Variants in GAS7 observed in about 807,000 individuals in gnomAD.
GAS7 encodes the protein growth arrest-specific protein 7.
A neutral mutation model predicts 71.1 loss-of-function variants in GAS7; 28 were observed. That is an observed-to-expected ratio of 0.39 (90% CI 0.29 to 0.54). The LOEUF is 0.54. GAS7 is among the 20% of genes least tolerant of loss of function. The pLI is 0.62. For missense variants in GAS7, 436 were observed against 627.8 expected, an observed-to-expected ratio of 0.69 and a Z score of 3.27; for synonymous variants, 258 against 245.8, an observed-to-expected ratio of 1.05 and a Z score of -0.46.
At chr17:10,012,885 G>A (rs1327011384) in intron 2 of GAS7, among the ~76,000 whole-genome samples, 1 of 151,628 alleles carries the variant, frequency 6.6e-6, no homozygotes, top group East Asian at 2.0e-4. Context: ...GGTGAATCAC[G>A]AGATCAGGAG....
chr17:9,926,647 C>T lies in GAS7; in HGVS notation c.1008G>A (p.Val336=), dbSNP rs752343743. The T allele has an allele frequency of 2.5e-6, 4 of 1,613,490 alleles. No individual in the cohort carries two copies. In the Admixed American group the frequency reaches 5.0e-5, roughly 20 times the overall value. The change falls in exon 10 of 14, where the codon GTG becomes GTA. Residue 336 remains valine (V), a synonymous_variant. Coordinates refer to ENST00000432992, the MANE Select transcript of GAS7 (RefSeq NM_201433.2). This position sits in a 1 kb window ranked among gnomAD's most constrained non-coding sequence, Gnocchi z 5.0. ...AGCGTCCTGGGCCTCTCACCTTCTCCACCGAGGCATAGCGGCTGGCGAGCT... is the reference window on the plus strand; with the variant it reads ...AGCGTCCTGGGCCTCTCACCTTCTCTACCGAGGCATAGCGGCTGGCGAGCT... The part of the protein sequence containing the change: ...RKQLASRYAS[V]EKARKALTER...
chr17:10,071,876 G>T (rs2073342771), intron 1 of GAS7, among the ~76,000 whole-genome samples: 1 of 150,516 alleles, frequency 6.6e-6, no homozygotes, highest in Non-Finnish European at 1.5e-5. Flanking sequence ...GGCGGAGGCT[G>T]CAGTGAGCCA....
rs187713239 is a variant in GAS7, at chr17:9,944,327, T to G, written c.616-1091A>C. 2.5e-3 allele frequency among the ~76,000 whole-genome samples: 380 copies of G among 152,256 alleles called. 3 individuals carry two copies. The highest frequency in any genetic ancestry group is 1.9e-3 in the East Asian group (10 of 5,178). ...CACTTTGATACTTAATGGAAGGTGT[T>G]CAGAACAGGTTTTTGATATCCCAGA... On this transcript the variant is annotated intron_variant, in intron 6 of 13. Coordinates refer to ENST00000432992, the MANE Select transcript of GAS7 (RefSeq NM_201433.2).
At chr17:10,154,913 TACACACAC>T (rs57604032) in intron 1 of GAS7, among the ~76,000 whole-genome samples, 2,963 of 141,922 alleles carry the variant, frequency 0.021, 63 homozygotes, top group South Asian at 0.068. Context: ...AACCCCAGGC[TACACACAC>T]ACACACACAC....
Position 10,166,034 on chromosome 17 carries a change from T to C in GAS7, c.183+32174A>G, listed in dbSNP as rs1416014445. On this transcript the variant is annotated intron_variant, in intron 1 of 13. Coordinates refer to ENST00000432992, the MANE Select transcript of GAS7 (RefSeq NM_201433.2). ...TTCTTTTTTTTTTTTTTCTTTTTCT[T>C]TTGTTAGAGACAAGGTCTCACTCTG... Among the ~76,000 whole-genome samples, 3 of 151,622 alleles carry C rather than the reference T, an allele frequency of 2.0e-5. No individual in the cohort carries two copies. The East Asian group carries it at 5.8e-4, about 29-fold the overall frequency.
chr17:10,116,227 T>C (rs1206708976), intron 1 of GAS7, among the ~76,000 whole-genome samples: 4 of 151,910 alleles, frequency 2.6e-5, no homozygotes, highest in East Asian at 3.9e-4. Flanking sequence ...AGGAGAAGAA[T>C]TGCTTGAACC....
intron 1 of GAS7, among the ~76,000 whole-genome samples, chr17:10,069,433 T>C (rs1025650819): frequency 2.6e-5 from 4 of 152,252 alleles, no homozygotes; most frequent in African/African-American, 9.6e-5. Flanking sequence ...CACCAGCCTC[T>C]GAGTTCAGTA....
At chr17:10,078,005 T>C (rs12452692) in intron 1 of GAS7, among the ~76,000 whole-genome samples, 82,753 of 151,556 alleles carry the variant, frequency 0.55, 23,369 homozygotes, top group African/African-American at 0.69. Flanking sequence ...TAGATTATTT[T>C]ATGTGGTGAT....
rs2072466481 is a variant in GAS7, at chr17:10,026,479, C to G, written c.184-6582G>C. On this transcript the variant is annotated intron_variant, in intron 1 of 13. Transcript: ENST00000432992. The surrounding 1 kb of genome is among the most constrained non-coding windows in gnomAD (Gnocchi z 4.5). ...TGAAGGCTCCTCCACAAAGGACTCT[C>G]CAGCAAGTTCTCTCTTCCCCAACCA... 6.6e-6 allele frequency among the ~76,000 whole-genome samples: 1 copy of G among 152,222 alleles called. No individual in the cohort carries two copies. Among genetic ancestry groups the G allele is most frequent in the African/African-American group, 2.4e-5 (1 of 41,462 alleles).
chr17:10,196,324 G>C (rs1409286724), intron 1 of GAS7, among the ~76,000 whole-genome samples: 1 of 152,154 alleles, frequency 6.6e-6, no homozygotes, highest in Admixed American at 6.6e-5. Flanking sequence ...CTATAAAATG[G>C]GGGAAGTACC....
intron 1 of GAS7, among the ~76,000 whole-genome samples, chr17:10,104,520 T>TC (rs2073738851): frequency 6.6e-6 from 1 of 152,170 alleles, no homozygotes; most frequent in South Asian, 2.1e-4. Context: ...CCCTGACCTG[T>TC]CCCAGCTCTC....
chr17:10,004,986 G>A (rs924818205), intron 2 of GAS7, among the ~76,000 whole-genome samples: 7 of 151,928 alleles, frequency 4.6e-5, no homozygotes, highest in East Asian at 3.9e-4. Context: ...CTCCAGCCTC[G>A]GCGACAGAGC....
At chr17:10,067,380 G>A (rs1436143968) in intron 1 of GAS7, among the ~76,000 whole-genome samples, 1 of 152,256 alleles carries the variant, frequency 6.6e-6, no homozygotes, top group Admixed American at 6.5e-5. Flanking sequence ...AAGTAGCTGG[G>A]ACTATAGGCG....
At chr17:9,985,898 A>G (rs1031527013) in intron 2 of GAS7, among the ~76,000 whole-genome samples, 70 of 152,342 alleles carry the variant, frequency 4.6e-4, no homozygotes, top group African/African-American at 1.7e-3. Flanking sequence ...GGTTGCTCCC[A>G]GGAGCACACA....
At chr17:9,922,568 T>C (rs909198281) in intron 11 of GAS7, among the ~76,000 whole-genome samples, 1 of 152,234 alleles carries the variant, frequency 6.6e-6, no homozygotes, top group African/African-American at 2.4e-5. Flanking sequence ...AGGCGGTATT[T>C]TTCAGAGTTA....
intron 5 of GAS7, chr17:9,958,905 AC>A: frequency 8.2e-7 from 1 of 1,225,524 alleles, no homozygotes; most frequent in Non-Finnish European, 1.1e-6. Context: ...ACCCCCTTCA[AC>A]CCACTCCCGC....
chr17:9,920,800 C>G (rs1275728780), intron 11 of GAS7, among the ~76,000 whole-genome samples: 1 of 152,138 alleles, frequency 6.6e-6, no homozygotes, highest in African/African-American at 2.4e-5. Flanking sequence ...ATGAGTGAAC[C>G]CCAAAGTGAA....
At chr17:10,093,552 C>CAAAAA (rs60319441) in intron 1 of GAS7, among the ~76,000 whole-genome samples, 22 of 65,920 alleles carry the variant, frequency 3.3e-4, no homozygotes, top group African/African-American at 5.2e-4. Flanking sequence ...GACTCCGTCT[C>CAAAAA]AAAAAAAAAA....
At chr17:10,048,493 C>T (rs2073013902) in intron 1 of GAS7, among the ~76,000 whole-genome samples, 1 of 152,218 alleles carries the variant, frequency 6.6e-6, no homozygotes, top group Non-Finnish European at 1.5e-5. Flanking sequence ...ACTGCTCTAT[C>T]ACGGTGCATA....
Sources: gnomAD v4.1 joint callset for allele counts (sites outside exome capture counted in the v4.1 genomes callset) on GRCh38, gnomAD v4.1.1 for gene constraint, Gnocchi (gnomAD v3.1) non-coding constraint, MANE v1.5 for transcripts, NCBI Gene and HGNC (gene_info 2026-07-23, HGNC 2026-07-21) for gene names.